The following DDX60L variants were observed in gnomAD, a reference collection of about 807,000 sequenced individuals.
DDX60L encodes probable ATP-dependent RNA helicase DDX60-like.
A neutral mutation model predicts 211.6 loss-of-function variants in DDX60L; 191 were observed. The observed-to-expected ratio is 0.90, with a 90% confidence interval of 0.80 to 1.02. DDX60L has a LOEUF of 1.02. Ranked by LOEUF, DDX60L falls within the 50% of genes least tolerant of loss-of-function variation. The pLI is 0.00. For missense variants in DDX60L, 2,007 were observed against 1,984.1 expected (o/e 1.01, Z -0.22); for synonymous variants, 706 against 694.1 (o/e 1.02, Z -0.27).
intron 4 of DDX60L, chr4:168,468,946 A>G (rs2150131627): frequency 6.6e-6 from 1 of 152,352 alleles, no homozygotes; most frequent in East Asian, 1.9e-4. Flanking sequence ...TACAAAACTG[A>G]TAAAACAAAT....
chr4:168,368,438 C>T (rs1364735910), intron 36 of DDX60L, among the ~76,000 whole-genome samples: 2 of 152,226 alleles, frequency 1.3e-5, no homozygotes, highest in Admixed American at 6.5e-5. Flanking sequence ...TGTATGGAAA[C>T]GCCTGGATGC....
At chr4:168,373,645 T>TAAG in intron 35 of DDX60L, 21 bp downstream of exon 35, 1 of 1,609,324 alleles carries the variant, frequency 6.2e-7, no homozygotes, top group East Asian at 2.2e-5. Flanking sequence ...ATTTTGTACA[T>TAAG]AAGATGTATC....
chr4:168,358,512 TTTTTTC>T (rs1456900486), intron 37 of DDX60L, among the ~76,000 whole-genome samples: 1 of 142,408 alleles, frequency 7.0e-6, no homozygotes. Context: ...TCTTTTTTTC[TTTTTTC>T]TTTTTCTTTT....
intron 24 of DDX60L, among the ~76,000 whole-genome samples, chr4:168,405,215 C>G (rs1336502477): frequency 6.6e-6 from 1 of 152,106 alleles, no homozygotes; most frequent in African/African-American, 2.4e-5. Flanking sequence ...ACCATGTTGG[C>G]CAGGCTGGTC....
rs756367396 is a variant in DDX60L, at chr4:168,427,293, CT to C, written c.1706del (p.Lys569ArgfsTer29). 6.2e-7 allele frequency: 1 copy of C among 1,613,336 alleles called. No individual in the cohort carries two copies. The highest frequency in any genetic ancestry group is 8.5e-7 in the Non-Finnish European group (1 of 1,179,746). On this transcript the variant is annotated frameshift_variant, in exon 14 of 38. Coordinates refer to ENST00000682922, the MANE Select transcript of DDX60L (RefSeq NM_001012967.3). LOFTEE classifies it high-confidence loss of function. ...CTTTGAGAAATGACTTTTTCTTACTCTTTTTGGTAATTTGGTGGGGTTTGGT... is the reference window on the plus strand; with the variant it reads ...CTTTGAGAAATGACTTTTTCTTACTCTTTTGGTAATTTGGTGGGGTTTGGT... The part of the protein sequence containing the change: ...QNTKPHQITK[K>X]SKKKSFLKED...
chr4:168,442,782 G>A lies in DDX60L; in HGVS notation c.1139-1290C>T, dbSNP rs1245137985. Among the ~76,000 whole-genome samples the A allele has an allele frequency of 2.0e-4, 30 of 150,940 alleles. 1 individual carries two copies. In the South Asian group the frequency reaches 2.1e-3, roughly 11 times the overall value. On this transcript the variant is annotated intron_variant, in intron 9 of 37. Coordinates refer to ENST00000682922, the MANE Select transcript of DDX60L (RefSeq NM_001012967.3). ...GCAGGGGCACACTGACACCTCACACGGCAGGGTACTCCAACAGACCTGCAG... is the reference window on the plus strand; with the variant it reads ...GCAGGGGCACACTGACACCTCACACAGCAGGGTACTCCAACAGACCTGCAG...
intron 1 of DDX60L, among the ~76,000 whole-genome samples, chr4:168,477,402 A>G (rs995490211): frequency 4.6e-5 from 7 of 152,006 alleles, no homozygotes; most frequent in African/African-American, 7.2e-5. Flanking sequence ...GCGACAGAGC[A>G]AGACTCTGTC....
intron 29 of DDX60L, among the ~76,000 whole-genome samples, chr4:168,388,391 T>G (rs577206325): frequency 4.6e-5 from 7 of 152,204 alleles, no homozygotes; most frequent in African/African-American, 1.7e-4. Context: ...CAGAAGGTTC[T>G]CACTAGGAAA....
intron 4 of DDX60L, chr4:168,468,776 G>T (rs1188878869): frequency 2.0e-5 from 3 of 152,150 alleles, no homozygotes; most frequent in South Asian, 4.1e-4. Context: ...TAATAAGATT[G>T]CAGGATACCA....
Position 168,471,902 on chromosome 4 carries a change from T to C in DDX60L, c.109A>G (p.Asn37Asp). 6.2e-7 allele frequency: 1 copy of C among 1,609,040 alleles called. No individual in the cohort carries two copies. Among genetic ancestry groups the C allele is most frequent in the South Asian group, 1.1e-5 (1 of 89,952 alleles). Residue 37 changes from asparagine to aspartate, a missense_variant, in exon 4 of 38, where the codon AAT (asparagine) becomes GAT (aspartate). Physicochemically the swap from Asn to Asp is conservative, Grantham distance 23 (BLOSUM62 1). Coordinates refer to ENST00000682922, the MANE Select transcript of DDX60L (RefSeq NM_001012967.3). ...SSILNDFVES[N>D]FFVIDGDSLL... The stretch of plus-strand genomic sequence containing the variant: ...GAATCTCCATCAATCACAAAAAAAT[T>C]AGATTCCACAAAATCATTTAATATG...
chr4:168,414,746 T>G (rs1337297141), intron 22 of DDX60L, among the ~76,000 whole-genome samples: 2 of 151,996 alleles, frequency 1.3e-5, no homozygotes, highest in East Asian at 3.9e-4. Context: ...TTAAGTGAAA[T>G]AAGCCAGGCA....
At chr4:168,468,256 A>C (rs938587647) in intron 4 of DDX60L, among the ~76,000 whole-genome samples, 1 of 152,108 alleles carries the variant, frequency 6.6e-6, no homozygotes, top group Non-Finnish European at 1.5e-5. Context: ...AATATTAGCA[A>C]ATCAAACCCA....
In DDX60L at chr4:168,420,374, C is replaced by T; in HGVS notation, c.2401G>A (p.Val801Ile). The T allele has an allele frequency of 6.2e-7, 1 of 1,605,132 alleles. No individual in the cohort carries two copies. The highest frequency in any genetic ancestry group is 8.5e-7 in the Non-Finnish European group (1 of 1,177,600). Residue 801 changes from valine (V) to isoleucine (I), a missense_variant, in exon 18 of 38, where the codon GTT (valine) becomes ATT (isoleucine). Val to Ile is a conservative substitution (Grantham distance 29). Coordinates refer to ENST00000682922, the MANE Select transcript of DDX60L (RefSeq NM_001012967.3). Reference sequence around the variant, plus strand: ...TCAACAGTTGCAGCCACTTGACCAACAAGGGACTGATTGACAAGAAAAAAA... The same window carrying T: ...TCAACAGTTGCAGCCACTTGACCAATAAGGGACTGATTGACAAGAAAAAAA... Reference protein sequence around the residue: ...VVYVAPAKSLVGQVAATVENR... With the variant: ...VVYVAPAKSLIGQVAATVENR...
Position 168,456,024 on chromosome 4 carries a change from G to A in DDX60L, c.837+15C>T. On this transcript the variant is annotated intron_variant, in intron 7 of 37. Coordinates refer to ENST00000682922, the MANE Select transcript of DDX60L (RefSeq NM_001012967.3). ...TGACAGCTTTCTGCCTGGCGGCTGT[G>A]TTCTTTTTACTTACTAAGACACGAT... 3.2e-6 allele frequency: 5 copies of A among 1,546,950 alleles called. No homozygotes were observed. The highest frequency in any genetic ancestry group is 1.4e-5 in the African/African-American group (1 of 72,414).
chr4:168,477,822 T>C (rs905868658), intron 1 of DDX60L, among the ~76,000 whole-genome samples: 4 of 152,234 alleles, frequency 2.6e-5, no homozygotes, highest in African/African-American at 9.6e-5. Context: ...AAAAGGTTGA[T>C]GGTCAATGTC....
At chr4:168,440,169 G>A (rs1422097681) in intron 10 of DDX60L, among the ~76,000 whole-genome samples, 1 of 152,176 alleles carries the variant, frequency 6.6e-6, no homozygotes, top group Admixed American at 6.5e-5. Flanking sequence ...AGATTACAGT[G>A]AGCTATGATG....
chr4:168,369,974 A>T (rs1740712691), intron 36 of DDX60L, among the ~76,000 whole-genome samples: 1 of 152,208 alleles, frequency 6.6e-6, no homozygotes, highest in South Asian at 2.1e-4. Flanking sequence ...TGTGGGTAGG[A>T]TTATAAATGA....
chr4:168,369,190 A>T (rs772615002), intron 36 of DDX60L, among the ~76,000 whole-genome samples: 15 of 152,188 alleles, frequency 9.9e-5, no homozygotes, highest in Non-Finnish European at 2.1e-4. Context: ...CCCATGTGTC[A>T]TGGGAGGAAC....
chr4:168,452,461 A>G (rs1755930883), intron 8 of DDX60L, among the ~76,000 whole-genome samples: 1 of 152,208 alleles, frequency 6.6e-6, no homozygotes, highest in African/African-American at 2.4e-5. Context: ...AGCTTGAGTG[A>G]ATGGGTACCC....
Sources: gnomAD v4.1 joint callset for allele counts (sites outside exome capture counted in the v4.1 genomes callset) on GRCh38, gnomAD v4.1.1 for gene constraint, MANE v1.5 for transcripts, NCBI Gene and HGNC (gene_info 2026-07-23, HGNC 2026-07-21) for gene names.